The following PAPPA variants were observed in gnomAD, a reference collection of about 807,000 sequenced individuals.
PAPPA encodes the protein pappalysin-1.
PAPPA carries 60 observed loss-of-function variants against 164.0 expected under a neutral mutation model. The observed-to-expected ratio is 0.37, with a 90% confidence interval of 0.30 to 0.45. PAPPA has a LOEUF of 0.45. Among genes scored for constraint, PAPPA ranks in the 20% least tolerant of loss-of-function variants. The probability of loss-of-function intolerance (pLI) is 1.00; values close to 1 mark genes in which losing one functional copy is unlikely to be tolerated. For synonymous variants in PAPPA, 875 were observed against 814.1 expected, an observed-to-expected ratio of 1.07 and a Z score of -1.27; for missense variants, 1,782 against 2,087.3, an observed-to-expected ratio of 0.85 and a Z score of 2.85.
chr9:116,335,384 A>C (rs1385518869), intron 13 of PAPPA, among the ~76,000 whole-genome samples: 3 of 152,126 alleles, frequency 2.0e-5, no homozygotes, highest in African/African-American at 7.2e-5. Context: ...CAGTGTCCTC[A>C]TCTGAACAAA....
At chr9:116,342,674 CAA>C (rs932379061) in intron 13 of PAPPA, among the ~76,000 whole-genome samples, 1 of 150,964 alleles carries the variant, frequency 6.6e-6, no homozygotes, top group African/African-American at 2.4e-5. Context: ...AAAACAACGA[CAA>C]AAAAAAAGTG....
chr9:116,332,571 T>A (rs1846007910), intron 12 of PAPPA, 103 bp downstream of exon 12: 1 of 1,042,012 alleles, frequency 9.6e-7, no homozygotes, highest in Non-Finnish European at 1.4e-6. Context: ...TTCCTTCCTT[T>A]TTCCCCTTTC....
chr9:116,222,018 G>A (rs1040908709), intron 5 of PAPPA, among the ~76,000 whole-genome samples: 1 of 152,228 alleles, frequency 6.6e-6, no homozygotes, highest in Non-Finnish European at 1.5e-5. Context: ...TGCACTGGCA[G>A]TGGGAATGTA....
intron 7 of PAPPA, among the ~76,000 whole-genome samples, chr9:116,247,465 G>C (rs1433724075): frequency 3.3e-5 from 5 of 152,190 alleles, no homozygotes; most frequent in African/African-American, 9.6e-5. Context: ...TTTGGAAAAT[G>C]ATGAGTTAGT....
intron 7 of PAPPA, among the ~76,000 whole-genome samples, chr9:116,261,528 A>T (rs1340660403): frequency 6.6e-6 from 1 of 152,198 alleles, no homozygotes; most frequent in Non-Finnish European, 1.5e-5. Context: ...AAATCACATG[A>T]CTTGTCTACA....
chr9:116,265,249 A>G (rs1405831790), intron 7 of PAPPA, among the ~76,000 whole-genome samples: 1 of 152,166 alleles, frequency 6.6e-6, no homozygotes, highest in African/African-American at 2.4e-5. Context: ...AAATTCATGA[A>G]AAGTGTTTAG....
At chr9:116,204,681 G>C (rs1483415664) in intron 2 of PAPPA, among the ~76,000 whole-genome samples, 1 of 151,940 alleles carries the variant, frequency 6.6e-6, no homozygotes, top group Non-Finnish European at 1.5e-5. Context: ...TGCCCAAAGT[G>C]CTGGGATTAC....
chr9:116,292,291 A>G (rs1443208535), intron 9 of PAPPA, among the ~76,000 whole-genome samples: 1 of 152,220 alleles, frequency 6.6e-6, no homozygotes, highest in Non-Finnish European at 1.5e-5. Context: ...GAAGAGCACT[A>G]TAGCTGTTCT....
At chr9:116,252,517 G>C (rs1413520400) in intron 7 of PAPPA, among the ~76,000 whole-genome samples, 1 of 152,178 alleles carries the variant, frequency 6.6e-6, no homozygotes, top group Non-Finnish European at 1.5e-5. Context: ...GCAGTCTACT[G>C]AGTAGCTGGG....
At chr9:116,208,438 A>G (rs535327350) in intron 3 of PAPPA, among the ~76,000 whole-genome samples, 1 of 152,300 alleles carries the variant, frequency 6.6e-6, no homozygotes, top group African/African-American at 2.4e-5. Context: ...ACTTAATCAC[A>G]AAAGAAAAGC....
intron 10 of PAPPA, among the ~76,000 whole-genome samples, chr9:116,326,954 A>G (rs1432641717): frequency 6.6e-6 from 1 of 152,226 alleles, no homozygotes; most frequent in Non-Finnish European, 1.5e-5. Flanking sequence ...TTGTGTGTAT[A>G]TATCACATAT....
Position 116,219,411 on chromosome 9 carries a change from C to G in PAPPA, c.1919-526C>G, listed in dbSNP as rs1166093701. Among the ~76,000 whole-genome samples the G allele has an allele frequency of 8.5e-5, 13 of 152,282 alleles. No individual in the cohort carries two copies. In the East Asian group the frequency reaches 2.3e-3, roughly 27 times the overall value. ...AGAAGGTTTGTTTGAAGGGTAATAT[C>G]AGCACATTGGTTAATAGTGAAATTA... On this transcript the variant is annotated intron_variant, in intron 4 of 21. Transcript: ENST00000328252.
chr9:116,194,590 C>T (rs142638662), intron 2 of PAPPA, among the ~76,000 whole-genome samples: 157 of 152,306 alleles, frequency 1.0e-3, no homozygotes, highest in Middle Eastern at 3.4e-3. Flanking sequence ...AGCTGTCTGA[C>T]CTTGGCACAT....
At chr9:116,285,474 A>G (rs78321652) in intron 9 of PAPPA, among the ~76,000 whole-genome samples, 2 of 151,832 alleles carry the variant, frequency 1.3e-5, no homozygotes, top group African/African-American at 4.8e-5. Flanking sequence ...ACCTCCTACT[A>G]TATTGCTGGC....
chr9:116,373,104 G>A (rs1463449079), intron 19 of PAPPA: 4 of 152,180 alleles, frequency 2.6e-5, no homozygotes, highest in Non-Finnish European at 4.4e-5. Flanking sequence ...GTCAGAGGTC[G>A]AATGGTTCTG....
intron 1 of PAPPA, among the ~76,000 whole-genome samples, chr9:116,162,533 C>A (rs1843680409): frequency 6.6e-6 from 1 of 152,150 alleles, no homozygotes; most frequent in Admixed American, 6.6e-5. Flanking sequence ...CCTGGTCAAA[C>A]CCTGACTATT....
intron 1 of PAPPA, among the ~76,000 whole-genome samples, chr9:116,173,081 C>T (rs1843791715): frequency 6.6e-6 from 1 of 152,166 alleles, no homozygotes. Flanking sequence ...AGGTAGATGA[C>T]ATTTTCTCAA....
At position 116,241,909 on chromosome 9, in the gene PAPPA, T is replaced by C. The variant is rs76742948; in HGVS notation, c.2732+6272T>C. ...AAGCCTCATTTCTTTTTATAGCTCT[T>C]TCCGTTTCTCACCTTGTCATCCATC... On this transcript the variant is annotated intron_variant, in intron 7 of 21. Transcript: ENST00000328252. 3.9e-3 allele frequency among the ~76,000 whole-genome samples: 590 copies of C among 152,300 alleles called. 6 individuals carry two copies. Among genetic ancestry groups the C allele is most frequent in the South Asian group, 0.021 (99 of 4,820 alleles).
intron 7 of PAPPA, among the ~76,000 whole-genome samples, chr9:116,251,630 A>G (rs1304488453): frequency 6.6e-6 from 1 of 152,066 alleles, no homozygotes; most frequent in Non-Finnish European, 1.5e-5. Flanking sequence ...TTTACCTCCA[A>G]CTGTATCTGG....
Sources: gnomAD v4.1 joint callset for allele counts (sites outside exome capture counted in the v4.1 genomes callset) on GRCh38, gnomAD v4.1.1 for gene constraint, MANE v1.5 for transcripts, NCBI Gene and HGNC (gene_info 2026-07-23, HGNC 2026-07-21) for gene names.